CRACR2A: variants seen among roughly 807,000 people sequenced by gnomAD.
The protein encoded by CRACR2A is EF-hand calcium-binding domain-containing protein 4B.
A neutral mutation model predicts 90.5 loss-of-function variants in CRACR2A; 79 were observed. The observed-to-expected ratio is 0.87, with a 90% confidence interval of 0.73 to 1.05. The LOEUF is 1.05. Ranked by LOEUF, CRACR2A falls within the 50% of genes least tolerant of loss-of-function variation. The pLI is 0.00. For synonymous variants in CRACR2A, 338 were observed against 356.7 expected, an observed-to-expected ratio of 0.95 and a Z score of 0.59; for missense variants, 823 against 897.2, an observed-to-expected ratio of 0.92 and a Z score of 1.06.
chr12:3,669,727 GT>G (rs1945207907), intron 7 of CRACR2A, among the ~76,000 whole-genome samples: 1 of 152,148 alleles, frequency 6.6e-6, no homozygotes, highest in Admixed American at 6.5e-5. Flanking sequence ...AGCCACCTCA[GT>G]TGCCACGTCC....
At chr12:3,703,331 C>A (rs1012881440) in intron 3 of CRACR2A, among the ~76,000 whole-genome samples, 6 of 152,306 alleles carry the variant, frequency 3.9e-5, no homozygotes, top group African/African-American at 1.4e-4. Context: ...ATGATCCGCC[C>A]ACCTTGGCCT....
chr12:3,665,451 C>A (rs12810454), intron 7 of CRACR2A, among the ~76,000 whole-genome samples: 31,903 of 152,140 alleles, frequency 0.21, 3,940 homozygotes, highest in East Asian at 0.43. Flanking sequence ...CCTGAAGTGT[C>A]CTATATCTGA....
intron 13 of CRACR2A, chr12:3,640,402 C>T (rs779219141): frequency 2.4e-5 from 17 of 711,956 alleles, no homozygotes; most frequent in Non-Finnish European, 3.2e-5. Context: ...ATTAAGTGAG[C>T]ATTTAATAAT....
chr12:3,696,763 C>T lies in CRACR2A; in HGVS notation c.228+9G>A, dbSNP rs1215991978. On this transcript the variant is annotated intron_variant, in intron 4 of 19. Coordinates refer to ENST00000440314, the MANE Select transcript of CRACR2A (RefSeq NM_001144958.2). ...CTCAGTGGGCAGGCCTACCTGGGACCCCACTTACCTGCATATCCTTCCTGG... is the reference window on the plus strand; with the variant it reads ...CTCAGTGGGCAGGCCTACCTGGGACTCCACTTACCTGCATATCCTTCCTGG... The T allele has an allele frequency of 6.2e-7, 1 of 1,613,994 alleles. No homozygotes were observed. The highest frequency in any genetic ancestry group is 8.5e-7 in the Non-Finnish European group (1 of 1,180,018).
chr12:3,705,544 A>C (rs1342559258), intron 3 of CRACR2A, among the ~76,000 whole-genome samples: 1 of 152,234 alleles, frequency 6.6e-6, no homozygotes, highest in African/African-American at 2.4e-5. Flanking sequence ...AAGGCCAAAA[A>C]GCATCTCCAG....
chr12:3,661,274 G>A (rs1287714574), intron 7 of CRACR2A, among the ~76,000 whole-genome samples: 1 of 152,136 alleles, frequency 6.6e-6, no homozygotes, highest in Non-Finnish European at 1.5e-5. Context: ...ATCTGACCCA[G>A]ACAAAGGAAC....
At chr12:3,708,676 C>T (rs939099488) in intron 3 of CRACR2A, among the ~76,000 whole-genome samples, 8 of 152,182 alleles carry the variant, frequency 5.3e-5, no homozygotes, top group Non-Finnish European at 1.0e-4. Flanking sequence ...CCGCCGGCCT[C>T]GGCCTCCCAA....
intron 8 of CRACR2A, among the ~76,000 whole-genome samples, chr12:3,656,628 T>C (rs1944914262): frequency 1.3e-5 from 2 of 152,064 alleles, no homozygotes; most frequent in Non-Finnish European, 2.9e-5. Flanking sequence ...GGATGCAAAC[T>C]CCCAGCAAGC....
At chr12:3,735,688 G>A (rs990583236) in intron 1 of CRACR2A, among the ~76,000 whole-genome samples, 7 of 152,206 alleles carry the variant, frequency 4.6e-5, no homozygotes, top group African/African-American at 1.4e-4. Context: ...GACCCAGGCC[G>A]TGGAGCTCCG....
intron 4 of CRACR2A, among the ~76,000 whole-genome samples, chr12:3,694,244 C>A (rs1386001268): frequency 6.6e-6 from 1 of 152,220 alleles, no homozygotes; most frequent in Non-Finnish European, 1.5e-5. Flanking sequence ...TTGGCCAGCA[C>A]CCCATTCCAT....
chr12:3,708,848 A>T (rs997358060), intron 3 of CRACR2A, among the ~76,000 whole-genome samples: 2 of 152,172 alleles, frequency 1.3e-5, no homozygotes, highest in South Asian at 4.1e-4. Context: ...TTTCTATGCG[A>T]TATATTCTCC....
At chr12:3,713,409 GGAAA>G in intron 2 of CRACR2A, 92 bp from the exon 3 acceptor site, 1 of 530,404 alleles carries the variant, frequency 1.9e-6, no homozygotes, top group Non-Finnish European at 2.4e-6. Flanking sequence ...AAACTTGGGA[GGAAA>G]CATTGCTCCT....
At chr12:3,661,082 T>C (rs180742490) in intron 7 of CRACR2A, among the ~76,000 whole-genome samples, 1 of 152,298 alleles carries the variant, frequency 6.6e-6, no homozygotes, top group East Asian at 1.9e-4. Flanking sequence ...CTAACTCCCA[T>C]GTCCACTTGG....
intron 6 of CRACR2A, among the ~76,000 whole-genome samples, chr12:3,677,631 C>G (rs1432857762): frequency 1.3e-5 from 2 of 152,234 alleles, no homozygotes; most frequent in Non-Finnish European, 2.9e-5. Flanking sequence ...CAGGAATGGT[C>G]TCTGTGCTCT....
intron 1 of CRACR2A, among the ~76,000 whole-genome samples, chr12:3,741,481 C>T (rs1946524291): frequency 6.6e-6 from 1 of 152,224 alleles, no homozygotes; most frequent in Non-Finnish European, 1.5e-5. Context: ...TAAGCAACGC[C>T]CATTTAAAAG....
intron 7 of CRACR2A, among the ~76,000 whole-genome samples, chr12:3,659,931 C>G (rs1321398366): frequency 6.6e-6 from 1 of 152,212 alleles, no homozygotes; most frequent in Admixed American, 6.5e-5. Context: ...TAGATGATCC[C>G]TATGCTCCTC....
chr12:3,696,882 C>A lies in CRACR2A; in HGVS notation c.118G>T (p.Glu40Ter). 2 of 1,614,256 alleles carry A rather than the reference C, an allele frequency of 1.2e-6. No individual in the cohort carries two copies. Among genetic ancestry groups the A allele is most frequent in the Non-Finnish European group, 1.7e-6 (2 of 1,180,050 alleles). The stretch of plus-strand genomic sequence containing the variant: ...TGGCCCGACGTTTGCTCCTGAGTCT[C>A]CTTCTGCTCCAGGCTGTCCAGGGGA... ...LHPLDSLEQK[E>*]TQEQTSGQLV... The change falls in exon 4 of 20, where the codon GAG becomes TAG. Residue 40 changes from glutamate to a stop codon, truncating the protein, a stop_gained. Transcript: ENST00000440314. LOFTEE classifies it high-confidence loss of function.
intron 1 of CRACR2A, among the ~76,000 whole-genome samples, chr12:3,733,874 C>CACACACAA (rs2137867121): frequency 2.8e-4 from 1 of 3,576 alleles, no homozygotes; most frequent in South Asian, 4.6e-3. Flanking sequence ...ATTTTCAGGA[C>CACACACAA]ACACACACAC....
At chr12:3,695,137 G>A (rs1312978922) in intron 4 of CRACR2A, among the ~76,000 whole-genome samples, 1 of 152,186 alleles carries the variant, frequency 6.6e-6, no homozygotes, top group Non-Finnish European at 1.5e-5. Flanking sequence ...CACAGTACTT[G>A]TGGCCCAGAG....
Sources: gnomAD v4.1 joint callset for allele counts (sites outside exome capture counted in the v4.1 genomes callset) on GRCh38, gnomAD v4.1.1 for gene constraint, MANE v1.5 for transcripts, NCBI Gene and HGNC (gene_info 2026-07-23, HGNC 2026-07-21) for gene names.